The following IL37 variants were observed in gnomAD, a reference collection of about 807,000 sequenced individuals.
IL37 encodes the protein interleukin 37, also known as interleukin-37.
A neutral mutation model predicts 15.4 loss-of-function variants in IL37; 15 were observed. The ratio of observed to expected loss-of-function variants is 0.98; its 90% CI spans 0.65 to 1.50. The LOEUF (loss-of-function observed/expected upper bound fraction) is 1.50. IL37 is among the 40% of genes most tolerant of loss of function. IL37 has a pLI of 0.00. For missense variants in IL37, 269 were observed against 261.7 expected, an observed-to-expected ratio of 1.03 and a Z score of -0.19; for synonymous variants, 98 against 97.4, an observed-to-expected ratio of 1.01 and a Z score of -0.03.
At chr2:112,916,365 G>C (rs1175777421) in intron 3 of IL37, among the ~76,000 whole-genome samples, 1 of 152,156 alleles carries the variant, frequency 6.6e-6, no homozygotes. Context: ...AGGAGGGAAC[G>C]TTCCCTTTTA....
chr2:112,911,844 C>T (rs531223634), intron 1 of IL37, among the ~76,000 whole-genome samples: 1 of 152,304 alleles, frequency 6.6e-6, no homozygotes, highest in African/African-American at 2.4e-5. Context: ...CTGTCAAGCG[C>T]CTCCAATTTT....
intron 1 of IL37, among the ~76,000 whole-genome samples, 148 bp downstream of exon 1, chr2:112,911,396 C>CT (rs1683175648): frequency 6.6e-6 from 1 of 152,190 alleles, no homozygotes; most frequent in Non-Finnish European, 1.5e-5. Flanking sequence ...GCCCAGAACA[C>CT]CTTGCTCTCA....
At chr2:112,911,731 C>T (rs1683182495) in intron 1 of IL37, among the ~76,000 whole-genome samples, 1 of 152,190 alleles carries the variant, frequency 6.6e-6, no homozygotes, top group South Asian at 2.1e-4. Context: ...AGCCTGTGAG[C>T]ATCCTTCTGT....
intron 2 of IL37, among the ~76,000 whole-genome samples, chr2:112,913,414 A>G (rs572141847): frequency 6.6e-6 from 1 of 152,236 alleles, no homozygotes; most frequent in Non-Finnish European, 1.5e-5. Flanking sequence ...CCCAAGTGGA[A>G]GAGAAGCCTC....
intron 5 of IL37, among the ~76,000 whole-genome samples, chr2:112,918,015 TCTC>T (rs372122054): frequency 1.7e-4 from 26 of 152,182 alleles, no homozygotes; most frequent in African/African-American, 2.7e-4. Context: ...GAGCACCTGT[TCTC>T]CTCTCCTGGG....
At chr2:112,912,234 G>A (rs1345219591) in intron 1 of IL37, among the ~76,000 whole-genome samples, 3 of 152,014 alleles carry the variant, frequency 2.0e-5, no homozygotes, top group African/African-American at 4.8e-5. Context: ...TCCTATGTTG[G>A]CCTGGGCTGA....
chr2:112,915,155 G>GAT, intron 3 of IL37: 1 of 1,586,976 alleles, frequency 6.3e-7, no homozygotes, highest in Non-Finnish European at 8.7e-7. Context: ...CACTTAAGAG[G>GAT]ATAGTGAACT....
chr2:112,914,756 C>G (rs1399112580), intron 3 of IL37, among the ~76,000 whole-genome samples: 1 of 152,246 alleles, frequency 6.6e-6, no homozygotes, highest in Non-Finnish European at 1.5e-5. Flanking sequence ...CTGACTTCTC[C>G]TTGTCAGGGC....
chr2:112,918,768 G>C lies in IL37; in HGVS notation c.616G>C (p.Val206Leu), dbSNP rs1298403981. The C allele has an allele frequency of 3.1e-6, 5 of 1,613,970 alleles. No individual in the cohort carries two copies. The African/African-American group carries it at 6.7e-5, about 22-fold the overall frequency. Residue 206 changes from valine to leucine, a missense_variant, in exon 6 of 6, where the codon GTT becomes CTT. Physicochemically the swap from Val to Leu is conservative, Grantham distance 32 (BLOSUM62 1). Transcript: ENST00000263326. ...ACACATTGAATTTTCATTTCAACCA[G>C]TTTGCAAAGCTGAAATGAGCCCCAG... ...RKHIEFSFQPVCKAEMSPSEV... is the reference protein window; with the variant it reads ...RKHIEFSFQPLCKAEMSPSEV...
In IL37 at chr2:112,917,640, T is replaced by G; in HGVS notation, c.271T>G (p.Phe91Val). The G allele has an allele frequency of 6.4e-7, 1 of 1,567,602 alleles. No individual in the cohort carries two copies. Among genetic ancestry groups the G allele is most frequent in the Non-Finnish European group, 8.6e-7 (1 of 1,158,918 alleles). ...PDKNYIRPEI[F>V]FALASSLSSA... ...TTCTGACTGTCTTTTTCCAGAGATCTTCTTTGCATTAGCCTCATCCTTGAG... is the reference window on the plus strand; with the variant it reads ...TTCTGACTGTCTTTTTCCAGAGATCGTCTTTGCATTAGCCTCATCCTTGAG... The change falls in exon 5 of 6, where the codon TTC becomes GTC. Residue 91 changes from phenylalanine (F) to valine (V), a missense_variant. By Grantham distance (50) the Phe-to-Val change is conservative. Transcript: ENST00000263326.
chr2:112,915,046 A>G lies in IL37; in HGVS notation c.145+1192A>G, dbSNP rs1004448138. The G allele has an allele frequency of 2.6e-5, 16 of 615,872 alleles. No homozygotes were observed. The Admixed American group carries it at 3.4e-4, about 13-fold the overall frequency. 38.2% of individuals were successfully genotyped at this position (615,872 alleles called of 1,614,324 possible). A position where few individuals can be genotyped will look rare whatever the true frequency, so the allele number is the denominator to read the frequency against. Reference sequence around the variant, plus strand: ...ATGTTACTGCTGCTGTTGGAGTACAACTTCCCTATAGAAAACAACTGCCAG... The same window carrying G: ...ATGTTACTGCTGCTGTTGGAGTACAGCTTCCCTATAGAAAACAACTGCCAG... On this transcript the variant is annotated intron_variant, in intron 3 of 5. Coordinates refer to ENST00000263326, the MANE Select transcript of IL37 (RefSeq NM_014439.4).
Position 112,911,238 on chromosome 2 carries a change from C to G in IL37, c.-61C>G, listed in dbSNP as rs1293268601. Among the ~76,000 whole-genome samples, 1 of 152,236 alleles carries G rather than the reference C, an allele frequency of 6.6e-6. No homozygotes were observed. The highest frequency in any genetic ancestry group is 1.5e-5 in the Non-Finnish European group (1 of 68,040). ...AGACAGAGCCACAGACCACGAGGATCCCTGGCCCAGGTAGGTGGTCCTCCT... is the reference window on the plus strand; with the variant it reads ...AGACAGAGCCACAGACCACGAGGATGCCTGGCCCAGGTAGGTGGTCCTCCT... On this transcript the variant is annotated 5_prime_UTR_variant, in exon 1 of 6. It adds an upstream start codon to the 5' untranslated region. Transcript: ENST00000263326.
In IL37 at chr2:112,918,862, AC is replaced by A. The variant is rs1683390053; in HGVS notation, c.*54del. On this transcript the variant is annotated 3_prime_UTR_variant, in exon 6 of 6. Coordinates refer to ENST00000263326, the MANE Select transcript of IL37 (RefSeq NM_014439.4). Reference sequence around the variant, plus strand: ...GCTAATTTGAACTAATTGTATAAAAACACCAAACCTGCTCACTAAACTTTCT... The same window carrying A: ...GCTAATTTGAACTAATTGTATAAAAAACCAAACCTGCTCACTAAACTTTCT... 13 of 1,549,170 alleles carry A rather than the reference AC, an allele frequency of 8.4e-6. No homozygotes were observed. Among genetic ancestry groups the A allele is most frequent in the Middle Eastern group, 1.7e-4 (1 of 5,792 alleles).
At position 112,914,200 on chromosome 2, in the gene IL37, G is replaced by A. The variant is rs530832761; in HGVS notation, c.145+346G>A. Among the ~76,000 whole-genome samples, 29 of 152,246 alleles carry A rather than the reference G, an allele frequency of 1.9e-4. No individual in the cohort carries two copies. In the South Asian group the frequency reaches 6.0e-3, roughly 32 times the overall value. ...GGACAAACAGCCATGGGGCCAGTGGGGGTGCAGGGACACCCACACCACTAA... is the reference window on the plus strand; with the variant it reads ...GGACAAACAGCCATGGGGCCAGTGGAGGTGCAGGGACACCCACACCACTAA... On this transcript the variant is annotated intron_variant, in intron 3 of 5. Transcript: ENST00000263326.
intron 3 of IL37, among the ~76,000 whole-genome samples, chr2:112,915,864 C>A (rs1683299452): frequency 6.6e-6 from 1 of 152,156 alleles, no homozygotes; most frequent in Non-Finnish European, 1.5e-5. Context: ...GAAGCCTGCT[C>A]CTGGGGAGCT....
At chr2:112,918,392 T>C (rs755958461) in intron 5 of IL37, among the ~76,000 whole-genome samples, 169 bp from the exon 6 acceptor site, 4 of 152,144 alleles carry the variant, frequency 2.6e-5, no homozygotes, top group Non-Finnish European at 4.4e-5. Context: ...GGATTGCTTA[T>C]CATCCCTTAA....
At chr2:112,917,294 G>A (rs568953517) in intron 4 of IL37, 46 bp downstream of exon 4, 8 of 1,604,038 alleles carry the variant, frequency 5.0e-6, no homozygotes, top group Non-Finnish European at 6.8e-6. Flanking sequence ...CCTAGCAGGG[G>A]TAAGGCCTCC....
rs149281608 is a variant in IL37 at position 112,915,133 on chromosome 2, G to A, written c.145+1279G>A. The A allele has an allele frequency of 3.7e-3, 5,585 of 1,506,916 alleles. 16 individuals are homozygous for A. The highest frequency in any genetic ancestry group is 4.4e-3 in the Non-Finnish European group (4,753 of 1,085,540). 93.3% of individuals were successfully genotyped at this position (1,506,916 alleles called of 1,614,324 possible). A position where few individuals can be genotyped will look rare whatever the true frequency, so the allele number is the denominator to read the frequency against. ...AGAAAGATTTGGGGTCAAGGATCATGAGCGAGAACACCACTTAAGAGGATA... is the reference window on the plus strand; with the variant it reads ...AGAAAGATTTGGGGTCAAGGATCATAAGCGAGAACACCACTTAAGAGGATA... On this transcript the variant is annotated intron_variant, in intron 3 of 5. Coordinates refer to ENST00000263326, the MANE Select transcript of IL37 (RefSeq NM_014439.4).
chr2:112,912,229 T>G (rs1683191801), intron 1 of IL37, among the ~76,000 whole-genome samples: 1 of 152,212 alleles, frequency 6.6e-6, no homozygotes, highest in African/African-American at 2.4e-5. Flanking sequence ...TTCTGTCCTA[T>G]GTTGGCCTGG....
Sources: allele counts gnomAD v4.1 joint callset (sites outside exome capture counted in the v4.1 genomes callset), GRCh38; gene constraint gnomAD v4.1.1; transcripts MANE v1.5; gene names NCBI Gene and HGNC (gene_info 2026-07-23, HGNC 2026-07-21).